FOXJ3: variants seen among roughly 807,000 people sequenced by gnomAD.
FOXJ3 encodes forkhead box protein J3.
In FOXJ3, 22 loss-of-function variants were observed where a neutral mutation model predicts 76.1. The ratio of observed to expected loss-of-function variants is 0.29; its 90% confidence interval spans 0.21 to 0.41. FOXJ3 has a LOEUF of 0.41. FOXJ3 is among the 10% of genes least tolerant of loss of function. The pLI is 1.00. For synonymous variants in FOXJ3, 269 were observed against 261.2 expected (o/e 1.03, Z -0.29); for missense variants, 613 against 762.1 (o/e 0.80, Z 2.30).
chr1:42,248,450 C>T (rs926502962), intron 4 of FOXJ3, among the ~76,000 whole-genome samples: 1 of 151,152 alleles, frequency 6.6e-6, no homozygotes, highest in Non-Finnish European at 1.5e-5. Flanking sequence ...AGGAGAATGG[C>T]GTGAACCCGG....
rs755169711 is a variant in FOXJ3 at position 42,278,600 on chromosome 1, G to C, written c.117C>G (p.Ile39Met). 4 of 1,614,078 alleles carry C rather than the reference G, an allele frequency of 2.5e-6. No homozygotes were observed. In the South Asian group the frequency reaches 4.4e-5, roughly 18 times the overall value. ...CATTTTGTGTAGCATCAGATTTTTG[G>C]ATGGCTGCTCTCATGGTGAGCTGTG... ...WLPQLTMRAA[I>M]QKSDATQNAH... Residue 39 changes from isoleucine to methionine, a missense_variant, in exon 3 of 13, where the codon ATC becomes ATG. This residue lies in a region of FOXJ3 where 77 missense variants were observed against 115.1 expected (regional missense o/e 0.67). Transcript: ENST00000361346.
At chr1:42,206,749 G>T (rs1646868650) in intron 5 of FOXJ3, among the ~76,000 whole-genome samples, 1 of 151,966 alleles carries the variant, frequency 6.6e-6, no homozygotes, top group South Asian at 2.1e-4. Flanking sequence ...TCTCTTCTAA[G>T]CTATTTCAAA....
At chr1:42,293,967 T>G (rs1653612890) in intron 2 of FOXJ3, among the ~76,000 whole-genome samples, 1 of 152,210 alleles carries the variant, frequency 6.6e-6, no homozygotes, top group South Asian at 2.1e-4. Context: ...TGGAATAATC[T>G]TTTTGTTTTC....
intron 5 of FOXJ3, among the ~76,000 whole-genome samples, chr1:42,207,558 G>T (rs1646884770): frequency 6.6e-6 from 1 of 152,146 alleles, no homozygotes; most frequent in Admixed American, 6.5e-5. Context: ...AGTAATTTAT[G>T]ATTATGATGC....
At chr1:42,330,502 G>A (rs1656093827) in intron 1 of FOXJ3, among the ~76,000 whole-genome samples, 1 of 152,150 alleles carries the variant, frequency 6.6e-6, no homozygotes, top group Non-Finnish European at 1.5e-5. Flanking sequence ...GCTGAGCATG[G>A]TGGCGCGCAC....
intron 5 of FOXJ3, among the ~76,000 whole-genome samples, chr1:42,213,847 G>C (rs1016823771): frequency 3.9e-5 from 6 of 152,148 alleles, no homozygotes; most frequent in African/African-American, 1.2e-4. Context: ...CAAAGTTCTG[G>C]TGTTCTATTG....
At chr1:42,282,352 T>C (rs1652776594) in intron 2 of FOXJ3, among the ~76,000 whole-genome samples, 1 of 152,184 alleles carries the variant, frequency 6.6e-6, no homozygotes, top group Non-Finnish European at 1.5e-5. Context: ...ACTGCTTTCA[T>C]GTCATTATGC....
intron 4 of FOXJ3, among the ~76,000 whole-genome samples, chr1:42,237,427 TACATAC>T (rs1349063587): frequency 5.4e-5 from 7 of 129,888 alleles, no homozygotes; most frequent in Admixed American, 1.6e-4. Flanking sequence ...TATATATATA[TACATAC>T]ATACATATAT....
intron 1 of FOXJ3, among the ~76,000 whole-genome samples, chr1:42,317,186 C>T (rs1303848015): frequency 5.3e-5 from 8 of 152,098 alleles, no homozygotes; most frequent in Admixed American, 4.6e-4. Context: ...AAGAAACAAC[C>T]CCTTTGATTC....
chr1:42,310,206 G>A (rs537455557), intron 2 of FOXJ3, among the ~76,000 whole-genome samples: 1 of 151,168 alleles, frequency 6.6e-6, no homozygotes, highest in Non-Finnish European at 1.5e-5. Context: ...GAGTGCAATG[G>A]CAGATCTCGG....
At chr1:42,284,060 G>A (rs1652898985) in intron 2 of FOXJ3, among the ~76,000 whole-genome samples, 1 of 152,150 alleles carries the variant, frequency 6.6e-6, no homozygotes, top group African/African-American at 2.4e-5. Flanking sequence ...GAAGTAGATT[G>A]TGAAGCTGCC....
rs185085393 is a variant in FOXJ3 at position 42,204,973 on chromosome 1, T to C, written c.630+789A>G. ...TATGTGTGTGCATGAAGTGGAAGAATGAAAATGAGAGAGAGGGAGAGAAAA... is the reference window on the plus strand; with the variant it reads ...TATGTGTGTGCATGAAGTGGAAGAACGAAAATGAGAGAGAGGGAGAGAAAA... On this transcript the variant is annotated intron_variant, in intron 6 of 12. Coordinates refer to ENST00000361346, the MANE Select transcript of FOXJ3 (RefSeq NM_014947.5). Among the ~76,000 whole-genome samples, 29 of 151,624 alleles carry C rather than the reference T, an allele frequency of 1.9e-4. No individual in the cohort carries two copies. In the East Asian group the frequency reaches 2.7e-3, roughly 14 times the overall value.
intron 5 of FOXJ3, among the ~76,000 whole-genome samples, chr1:42,227,110 C>A (rs772520106): frequency 9.9e-5 from 15 of 152,136 alleles, no homozygotes; most frequent in Non-Finnish European, 2.1e-4. Context: ...ATAATTTCTA[C>A]AAAGTGTAAG....
chr1:42,229,659 C>A (rs1302796867), intron 4 of FOXJ3, among the ~76,000 whole-genome samples: 1 of 152,038 alleles, frequency 6.6e-6, no homozygotes, highest in Non-Finnish European at 1.5e-5. Flanking sequence ...TAAGAACCTG[C>A]TAGGTAGGAA....
chr1:42,271,567 TA>T (rs1651869523), intron 3 of FOXJ3, among the ~76,000 whole-genome samples: 1 of 152,158 alleles, frequency 6.6e-6, no homozygotes, highest in Non-Finnish European at 1.5e-5. Context: ...ACCACCTTTG[TA>T]TTTTTCTTTT....
chr1:42,332,690 A>AT (rs958415198), intron 1 of FOXJ3, among the ~76,000 whole-genome samples: 8 of 151,956 alleles, frequency 5.3e-5, no homozygotes, highest in African/African-American at 1.9e-4. Context: ...CTCCATCAAT[A>AT]CCCCCTCACC....
intron 7 of FOXJ3, among the ~76,000 whole-genome samples, chr1:42,197,544 G>A (rs1569827994): frequency 6.6e-6 from 1 of 152,050 alleles, no homozygotes; most frequent in East Asian, 1.9e-4. Flanking sequence ...ATCTGCACAT[G>A]CTCAAGTCCC....
At chr1:42,188,050 G>C (rs906584697) in intron 11 of FOXJ3, among the ~76,000 whole-genome samples, 1 of 152,198 alleles carries the variant, frequency 6.6e-6, no homozygotes, top group Non-Finnish European at 1.5e-5. Flanking sequence ...ACTCAGGATA[G>C]AGAAGAGAGA....
At position 42,179,834 on chromosome 1, in the gene FOXJ3, A is replaced by G; in HGVS notation, c.1754-9T>C. ...CATGGCTCTGTGATGGCCTGGAAGG[A>G]AAGAGGCAATAATAGCAGCGACTTG... On this transcript the variant is annotated splice_polypyrimidine_tract_variant and intron_variant, in intron 12 of 12. Coordinates refer to ENST00000361346, the MANE Select transcript of FOXJ3 (RefSeq NM_014947.5). 1.9e-6 allele frequency: 3 copies of G among 1,593,000 alleles called. No individual in the cohort carries two copies. The highest frequency in any genetic ancestry group is 2.6e-6 in the Non-Finnish European group (3 of 1,160,910).
Sources: gnomAD v4.1 joint callset for allele counts (sites outside exome capture counted in the v4.1 genomes callset) on GRCh38, gnomAD v4.1.1 for gene constraint, gnomAD v4.1.1 regional missense constraint, MANE v1.5 for transcripts, NCBI Gene and HGNC (gene_info 2026-07-23, HGNC 2026-07-21) for gene names.